KIF16B: variants seen among roughly 807,000 people sequenced by gnomAD.
KIF16B encodes the protein kinesin-like protein KIF16B.
In KIF16B, 98 loss-of-function variants were observed where a neutral mutation model predicts 156.3. That is an observed-to-expected ratio of 0.63 (90% CI 0.53 to 0.74). KIF16B has a LOEUF of 0.74. Ranked by LOEUF, KIF16B falls within the 30% of genes least tolerant of loss-of-function variation. The pLI, the probability that KIF16B is intolerant of heterozygous loss-of-function variation, is 0.00. For missense variants in KIF16B, 1,421 were observed against 1,606.5 expected, an observed-to-expected ratio of 0.88 and a Z score of 1.97; for synonymous variants, 564 against 583.7, an observed-to-expected ratio of 0.97 and a Z score of 0.49.
chr20:16,340,754 C>T (rs1289366602), intron 23 of KIF16B, among the ~76,000 whole-genome samples: 1 of 152,166 alleles, frequency 6.6e-6, no homozygotes, highest in African/African-American at 2.4e-5. Flanking sequence ...AATGGTACTT[C>T]GAACCTGCCT....
At position 16,384,262 on chromosome 20, in the gene KIF16B, G is replaced by A. The variant is rs564010894; in HGVS notation, c.1785-2515C>T. ...CTACAACAGTCTGTAAGAGAGATGT[G>A]GTCCCTGTCCCCACCAGGCTCCCGG... On this transcript the variant is annotated intron_variant, in intron 17 of 25. Coordinates refer to ENST00000354981, the MANE Select transcript of KIF16B (RefSeq NM_024704.5). 2.6e-5 allele frequency among the ~76,000 whole-genome samples: 4 copies of A among 152,276 alleles called. No individual in the cohort carries two copies. The South Asian group carries it at 8.3e-4, about 32-fold the overall frequency.
chr20:16,515,855 A>T (rs917094817), intron 3 of KIF16B, among the ~76,000 whole-genome samples, 191 bp from the exon 4 acceptor site: 1 of 152,262 alleles, frequency 6.6e-6, no homozygotes, highest in Non-Finnish European at 1.5e-5. Context: ...AAACTTTTTA[A>T]GCAAACAAAA....
At chr20:16,305,947 T>G (rs1274467747) in intron 25 of KIF16B, among the ~76,000 whole-genome samples, 1 of 152,182 alleles carries the variant, frequency 6.6e-6, no homozygotes, top group Non-Finnish European at 1.5e-5. Flanking sequence ...TATCTTGGCT[T>G]ATCAATCATG....
In KIF16B at chr20:16,368,294, A is replaced by T. The variant is rs377664881; in HGVS notation, c.3498+2292T>A. On this transcript the variant is annotated intron_variant, in intron 22 of 25. Transcript: ENST00000354981. ...GGTAAACCTGTAGCTGCAAAGACAG[A>T]GGCCCGGTAAGGCGCCGCACCCTCT... 1,187 of 998,936 alleles carry T rather than the reference A, an allele frequency of 1.2e-3. 34 individuals carry two copies. The South Asian group carries it at 0.045, about 38-fold the overall frequency. 61.9% of individuals were successfully genotyped at this position (998,936 alleles called of 1,614,324 possible).
chr20:16,479,491 T>A (rs567076651), intron 12 of KIF16B, among the ~76,000 whole-genome samples: 1 of 151,916 alleles, frequency 6.6e-6, no homozygotes, highest in South Asian at 2.1e-4. Flanking sequence ...CAAACCTGCA[T>A]GTCCTGCACA....
rs534578197 is a variant in KIF16B at position 16,379,557 on chromosome 20, G to A, written c.2445C>T (p.Gly815=). Residue 815 remains glycine, a synonymous_variant, in exon 19 of 26, where the codon GGC becomes GGT. Transcript: ENST00000354981. ...KEARAGGDED[G]EELEKAQLRF... ...GCAGTTGAGCCTTTTCTAACTCCTC[G>A]CCATCTTCATCCCCTCCGGCACGAG... 54 of 1,613,974 alleles carry A rather than the reference G, an allele frequency of 3.3e-5. No homozygotes were observed. Among genetic ancestry groups the A allele is most frequent in the East Asian group, 4.5e-5 (2 of 44,856 alleles).
chr20:16,305,284 A>G (rs947882720), intron 25 of KIF16B, among the ~76,000 whole-genome samples: 2 of 152,190 alleles, frequency 1.3e-5, no homozygotes, highest in Non-Finnish European at 2.9e-5. Context: ...CCCAAAAACT[A>G]AAAATAAAAA....
intron 14 of KIF16B, among the ~76,000 whole-genome samples, chr20:16,428,175 T>C (rs1255996358): frequency 6.6e-6 from 1 of 152,182 alleles, no homozygotes; most frequent in Non-Finnish European, 1.5e-5. Flanking sequence ...ATAGTAAATA[T>C]TAGGTTGGTG....
Position 16,527,472 on chromosome 20 carries a change from G to A in KIF16B, c.117+899C>T, listed in dbSNP as rs116677096. 5.4e-3 allele frequency among the ~76,000 whole-genome samples: 827 copies of A among 152,312 alleles called. 8 individuals are homozygous for A. Among genetic ancestry groups the A allele is most frequent in the African/African-American group, 0.019 (775 of 41,554 alleles). ...AGGAGATAGATCTGACTTGGCCATG[G>A]AGCATCATGTCTCAGAAACCCAGAC... On this transcript the variant is annotated intron_variant, in intron 2 of 25. Transcript: ENST00000354981.
At chr20:16,570,400 G>T (rs1331223863) in intron 1 of KIF16B, among the ~76,000 whole-genome samples, 2 of 152,148 alleles carry the variant, frequency 1.3e-5, no homozygotes, top group Non-Finnish European at 2.9e-5. Context: ...TTCCCAATAT[G>T]AAAGTTTCAG....
At chr20:16,411,899 C>T (rs1217408037) in intron 15 of KIF16B, among the ~76,000 whole-genome samples, 2 of 147,776 alleles carry the variant, frequency 1.4e-5, no homozygotes, top group Non-Finnish European at 3.0e-5. Flanking sequence ...AACTTTTGGA[C>T]ATTTCGGATT....
chr20:16,406,594 G>A, intron 15 of KIF16B, 138 bp from the exon 16 acceptor site: 1 of 780,900 alleles, frequency 1.3e-6, no homozygotes, highest in Non-Finnish European at 2.1e-6. Flanking sequence ...AGTCTCAAAA[G>A]TCTGCTTACT....
In KIF16B at chr20:16,380,045, T is replaced by C; in HGVS notation, c.1957A>G (p.Lys653Glu). The change falls in exon 19 of 26, where the codon AAG becomes GAG. Residue 653 changes from lysine to glutamate, a missense_variant. Physicochemically the swap from Lys to Glu is moderately conservative, Grantham distance 56. Transcript: ENST00000354981. ...CGGCGTTTGAGGCTCTCCTCCTGCT[T>C]GCGAATCTGGAGCTGCACGATTTCT... Reference protein sequence around the residue: ...ETEIVQLQIRKQEESLKRRSF... With the variant: ...ETEIVQLQIREQEESLKRRSF... 1 of 1,577,746 alleles carries C rather than the reference T, an allele frequency of 6.3e-7. No individual in the cohort carries two copies. The highest frequency in any genetic ancestry group is 1.2e-5 in the South Asian group (1 of 83,832).
chr20:16,426,415 A>G (rs1300052034), intron 15 of KIF16B, among the ~76,000 whole-genome samples: 2 of 152,186 alleles, frequency 1.3e-5, no homozygotes, highest in Non-Finnish European at 2.9e-5. Context: ...TCTGAAAAAG[A>G]AGAGAGAGAG....
chr20:16,320,686 G>A (rs1024484146), intron 24 of KIF16B, among the ~76,000 whole-genome samples: 4 of 152,134 alleles, frequency 2.6e-5, no homozygotes, highest in African/African-American at 7.2e-5. Flanking sequence ...ACACATCAAG[G>A]TGCATCTTTC....
At chr20:16,319,411 C>G (rs932885740) in intron 24 of KIF16B, among the ~76,000 whole-genome samples, 2 of 152,116 alleles carry the variant, frequency 1.3e-5, no homozygotes, top group Non-Finnish European at 2.9e-5. Context: ...TCTGATCCTA[C>G]ACACGAGGAG....
rs140502832 is a variant in KIF16B, at chr20:16,460,233, C to T, written c.1303-30251G>A. Among the ~76,000 whole-genome samples, 215 of 152,246 alleles carry T rather than the reference C, an allele frequency of 1.4e-3. 1 individual carries two copies. The highest frequency in any genetic ancestry group is 4.9e-3 in the African/African-American group (202 of 41,544). The stretch of plus-strand genomic sequence containing the variant: ...ATCAGGTTGGCCTAAAGTTTCTCCT[C>T]GGCTTGAGAATTTGGATGAAAAATA... On this transcript the variant is annotated intron_variant, in intron 12 of 25. Transcript: ENST00000354981.
intron 22 of KIF16B, among the ~76,000 whole-genome samples, chr20:16,357,966 G>T (rs1253914965): frequency 2.0e-5 from 3 of 152,218 alleles, no homozygotes; most frequent in Non-Finnish European, 4.4e-5. Flanking sequence ...AAGGCAGGTT[G>T]ATCAAGAGGT....
chr20:16,313,983 G>A (rs2063659846), intron 24 of KIF16B, among the ~76,000 whole-genome samples: 1 of 152,224 alleles, frequency 6.6e-6, no homozygotes, highest in African/African-American at 2.4e-5. Context: ...TATAGAGTGT[G>A]TGTGTGTTCA....
Sources: allele counts gnomAD v4.1 joint callset (sites outside exome capture counted in the v4.1 genomes callset), GRCh38; gene constraint gnomAD v4.1.1; transcripts MANE v1.5; gene names NCBI Gene and HGNC (gene_info 2026-07-23, HGNC 2026-07-21).